Variants in NDUFS1 observed in about 807,000 individuals in gnomAD.
The protein encoded by NDUFS1 is NADH:ubiquinone oxidoreductase core subunit S1, also known as NADH-ubiquinone oxidoreductase 75 kDa subunit, mitochondrial.
In NDUFS1, 61 loss-of-function variants were observed where a neutral mutation model predicts 84.4. The observed-to-expected ratio is 0.72, with a 90% confidence interval of 0.59 to 0.89. The LOEUF (loss-of-function observed/expected upper bound fraction) is 0.89. Ranked by LOEUF, NDUFS1 falls within the 40% of genes least tolerant of loss-of-function variation. The probability of loss-of-function intolerance (pLI) is 0.00; values close to 1 mark genes in which losing one functional copy is unlikely to be tolerated. For missense variants in NDUFS1, 891 were observed against 890.0 expected (o/e 1.00, Z -0.01); for synonymous variants, 275 against 290.0 (o/e 0.95, Z 0.53).
At position 206,123,039 on chromosome 2, in the gene NDUFS1, A is replaced by AT. The variant is rs898887690; in HGVS notation, c.*1145dup. On this transcript the variant is annotated 3_prime_UTR_variant, in exon 19 of 19. Transcript: ENST00000233190. ...TGTAAGCCACCACACCCAACCTTAG[A>AT]TTAAAAAAAAAAATTATCTATTTTT... 3.3e-5 allele frequency: 5 copies of AT among 152,014 alleles called. No homozygotes were observed. Among genetic ancestry groups the AT allele is most frequent in the Non-Finnish European group, 5.9e-5 (4 of 68,010 alleles). 9.4% of individuals were successfully genotyped at this position (152,014 alleles called of 1,614,324 possible).
intron 18 of NDUFS1, among the ~76,000 whole-genome samples, chr2:206,125,282 C>T (rs1341342566): frequency 6.6e-6 from 1 of 151,880 alleles, no homozygotes; most frequent in Admixed American, 6.6e-5. Flanking sequence ...GGTAACATGG[C>T]GAAACCCCAT....
intron 1 of NDUFS1, 25 bp downstream of exon 1, chr2:206,159,316 C>T (rs1687816691): frequency 1.5e-6 from 1 of 652,254 alleles, no homozygotes; most frequent in South Asian, 1.7e-5. Flanking sequence ...CGCACCTCAC[C>T]CTTCCCATCC....
intron 12 of NDUFS1, among the ~76,000 whole-genome samples, chr2:206,141,250 A>G (rs1423895497): frequency 6.6e-6 from 1 of 152,060 alleles, no homozygotes; most frequent in Non-Finnish European, 1.5e-5. Flanking sequence ...CTCCATCTCT[A>G]AAAAATTAAA....
Position 206,140,943 on chromosome 2 carries a change from T to TATATATACACACACAC in NDUFS1, c.1262+997_1262+998insGTGTGTGTGTATATAT, listed in dbSNP as rs367723817. ...GTGTGTATATATATATATATATATA[T>TATATATACACACACAC]ACACACACACTGAGAATCATAATAC... On this transcript the variant is annotated intron_variant, in intron 12 of 18. Coordinates refer to ENST00000233190, the MANE Select transcript of NDUFS1 (RefSeq NM_005006.7). Among the ~76,000 whole-genome samples, 328 of 136,126 alleles carry TATATATACACACACAC rather than the reference T, an allele frequency of 2.4e-3. 3 individuals are homozygous for TATATATACACACACAC. Among genetic ancestry groups the TATATATACACACACAC allele is most frequent in the South Asian group, 0.014 (61 of 4,308 alleles). The allele number at this position is 136,126 out of a possible 152,430, so 89.3% of individuals were successfully genotyped here.
At chr2:206,153,591 C>T (rs773412433) in intron 2 of NDUFS1, 27 bp downstream of exon 2, 13 of 1,398,720 alleles carry the variant, frequency 9.3e-6, no homozygotes, top group East Asian at 4.6e-5. Flanking sequence ...CTAATATCCA[C>T]GAATGCAAAT....
At chr2:206,151,163 T>C (rs1331346934) in intron 3 of NDUFS1, among the ~76,000 whole-genome samples, 2 of 152,216 alleles carry the variant, frequency 1.3e-5, no homozygotes, top group Non-Finnish European at 2.9e-5. Context: ...ACAGTCGCTG[T>C]CACCCTGTTT....
At chr2:206,124,747 G>A (rs1691220908) in intron 18 of NDUFS1, among the ~76,000 whole-genome samples, 1 of 152,088 alleles carries the variant, frequency 6.6e-6, no homozygotes, top group Non-Finnish European at 1.5e-5. Context: ...TCTGAGGCAG[G>A]AGAATCGTGT....
intron 13 of NDUFS1, among the ~76,000 whole-genome samples, chr2:206,136,746 GTTTC>G (rs1376371306): frequency 2.1e-5 from 3 of 144,182 alleles, no homozygotes; most frequent in Admixed American, 7.1e-5. Context: ...AAATTCCTTA[GTTTC>G]TTTCTTTTTT....
intron 13 of NDUFS1, among the ~76,000 whole-genome samples, chr2:206,134,388 C>A: frequency 6.6e-6 from 1 of 152,212 alleles, no homozygotes; most frequent in Middle Eastern, 3.4e-3. Flanking sequence ...AATCGCAACA[C>A]TCTGGGAGGC....
rs765624906 is a variant in NDUFS1, at chr2:206,124,139, T to C, written c.*46A>G. 21 of 1,194,016 alleles carry C rather than the reference T, an allele frequency of 1.8e-5. No individual in the cohort carries two copies. Among genetic ancestry groups the C allele is most frequent in the African/African-American group, 3.0e-5 (2 of 66,724 alleles). The allele number at this position is 1,194,016 out of a possible 1,614,324, so 74.0% of individuals were successfully genotyped here. On this transcript the variant is annotated 3_prime_UTR_variant, in exon 19 of 19. Transcript: ENST00000233190. Reference sequence around the variant, plus strand: ...CCTGTAAAGGATCACTGCACTACAGTTGTCCATTAATTATCTGCGGCAAAA... The same window carrying C: ...CCTGTAAAGGATCACTGCACTACAGCTGTCCATTAATTATCTGCGGCAAAA...
chr2:206,159,389 G>A lies in NDUFS1; in HGVS notation c.-53C>T. ...TGTTCTGCTAAACTGTCTGGACCAC[G>A]ACGACCCCCTAGGAGGCCGGGTCGC... On this transcript the variant is annotated 5_prime_UTR_variant, in exon 1 of 19. Coordinates refer to ENST00000233190, the MANE Select transcript of NDUFS1 (RefSeq NM_005006.7). 3 of 537,844 alleles carry A rather than the reference G, an allele frequency of 5.6e-6. No individual in the cohort carries two copies. The highest frequency in any genetic ancestry group is 5.0e-5 in the South Asian group (2 of 39,652). 33.3% of individuals were successfully genotyped at this position (537,844 alleles called of 1,614,324 possible). A position where few individuals can be genotyped will look rare whatever the true frequency, so the allele number is the denominator to read the frequency against.
chr2:206,148,893 A>T, intron 5 of NDUFS1, 127 bp downstream of exon 5: 1 of 719,804 alleles, frequency 1.4e-6, no homozygotes, highest in South Asian at 1.5e-5. Flanking sequence ...TATTGCTCCT[A>T]GAAGCTGAGC....
intron 14 of NDUFS1, among the ~76,000 whole-genome samples, chr2:206,132,159 G>GA (rs549302491): frequency 6.6e-6 from 1 of 151,652 alleles, no homozygotes. Context: ...GCAGGGTAAA[G>GA]AAAAAAACTA....
At chr2:206,141,455 C>A (rs1691946160) in intron 12 of NDUFS1, among the ~76,000 whole-genome samples, 1 of 151,750 alleles carries the variant, frequency 6.6e-6, no homozygotes, top group South Asian at 2.1e-4. Context: ...TGGCGTGAAC[C>A]CGGGAGGCGG....
intron 1 of NDUFS1, among the ~76,000 whole-genome samples, chr2:206,155,665 G>A (rs983915209): frequency 2.2e-4 from 32 of 147,456 alleles, no homozygotes; most frequent in Non-Finnish European, 1.8e-4. Context: ...TGATCCACCT[G>A]CCTTGGCCTC....
chr2:206,147,929 T>A, intron 5 of NDUFS1, 95 bp from the exon 6 acceptor site: 1 of 1,193,442 alleles, frequency 8.4e-7, no homozygotes, highest in Non-Finnish European at 1.2e-6. Context: ...CTTTATTTTT[T>A]TTTTTTGAGA....
chr2:206,124,382 C>T (rs1451892795), intron 18 of NDUFS1, 106 bp from the exon 19 acceptor site: 7 of 812,162 alleles, frequency 8.6e-6, no homozygotes, highest in African/African-American at 1.7e-5. Flanking sequence ...ATTATAAGGC[C>T]CTATGCAAGT....
At chr2:206,125,342 G>A (rs1691248952) in intron 18 of NDUFS1, among the ~76,000 whole-genome samples, 1 of 151,928 alleles carries the variant, frequency 6.6e-6, no homozygotes, top group Admixed American at 6.6e-5. Context: ...TGCGCCTATA[G>A]TCCTAGCTAC....
At chr2:206,125,243 C>T (rs1230524170) in intron 18 of NDUFS1, among the ~76,000 whole-genome samples, 1 of 152,124 alleles carries the variant, frequency 6.6e-6, no homozygotes, top group African/African-American at 2.4e-5. Flanking sequence ...GGGTGGACTG[C>T]TTGAGTCCAG....
Sources: gnomAD v4.1 joint callset for allele counts (sites outside exome capture counted in the v4.1 genomes callset) on GRCh38, gnomAD v4.1.1 for gene constraint, MANE v1.5 for transcripts, NCBI Gene and HGNC (gene_info 2026-07-23, HGNC 2026-07-21) for gene names.